MTERF4: variants seen among roughly 807,000 people sequenced by gnomAD.
The protein encoded by MTERF4 is mitochondrial transcription termination factor 4, also known as transcription termination factor 4, mitochondrial.
MTERF4 carries 17 observed loss-of-function variants against 22.5 expected under a neutral mutation model. The ratio of observed to expected loss-of-function variants is 0.75; its 90% CI spans 0.52 to 1.13. MTERF4 has a LOEUF of 1.13. Among genes scored for constraint, MTERF4 ranks in the 50% most tolerant of loss-of-function variants. MTERF4 has a pLI of 0.00. For missense variants in MTERF4, 420 were observed against 466.8 expected (o/e 0.90, Z 0.92); for synonymous variants, 165 against 175.3 (o/e 0.94, Z 0.47).
At chr2:241,056,931 C>G in the MTERF4 span, among the ~76,000 whole-genome samples, 1 of 152,080 alleles carries the variant, frequency 6.6e-6, no homozygotes, top group African/African-American at 2.4e-5. Flanking sequence ...GGGACAATAT[C>G]AAACAGGCAA....
At position 241,096,375 on chromosome 2, in the gene MTERF4, A is replaced by T; in HGVS notation, c.769T>A (p.Ser257Thr). The T allele has an allele frequency of 6.2e-7, 1 of 1,614,182 alleles. No individual in the cohort carries two copies. Among genetic ancestry groups the T allele is most frequent in the Non-Finnish European group, 8.5e-7 (1 of 1,180,048 alleles). ...DIVKSEYLQY[S>T]LTKIKQRHIY... is the part of the protein sequence containing the mutation. ...TGTCTCTGCTTAATCTTGGTTAGTGAATACTGCAAGTACTCACTCTTTACA... is the reference window on the plus strand; with the variant it reads ...TGTCTCTGCTTAATCTTGGTTAGTGTATACTGCAAGTACTCACTCTTTACA... The change falls in exon 4 of 4, where the codon TCA becomes ACA. Residue 257 changes from serine to threonine, a missense_variant. Ser to Thr is a moderately conservative substitution (Grantham distance 58). Transcript: ENST00000391980. The surrounding 1 kb of genome is among the most constrained non-coding windows in gnomAD (Gnocchi z 5.1).
chr2:241,048,493 G>A, the MTERF4 span: 8 of 1,551,554 alleles, frequency 5.2e-6, no homozygotes, highest in Non-Finnish European at 6.1e-6. Flanking sequence ...GGAGACCCAG[G>A]GAGGGCCTTC....
downstream of MTERF4, chr2:241,094,201 A>G: frequency 4.8e-6 from 2 of 412,976 alleles, no homozygotes; most frequent in Non-Finnish European, 1.0e-5. This position sits in a 1 kb window ranked among gnomAD's most constrained non-coding sequence, Gnocchi z 4.3. Flanking sequence ...GGTACAAGTA[A>G]GGGAATCTTT....
At chr2:241,087,512 T>G (rs375993128), downstream of MTERF4, 86 of 1,574,180 alleles carry the variant, frequency 5.5e-5, 1 homozygote, top group Non-Finnish European at 7.1e-5. Flanking sequence ...GTGTCCTGCA[T>G]GTAGCCCACA....
At chr2:241,058,848 G>C in the MTERF4 span, among the ~76,000 whole-genome samples, 1 of 152,116 alleles carries the variant, frequency 6.6e-6, no homozygotes, top group Non-Finnish European at 1.5e-5. Flanking sequence ...TACTCAGGAG[G>C]CTGAGGCAGG....
the MTERF4 span, chr2:241,062,989 C>A: frequency 1.2e-6 from 1 of 857,992 alleles, no homozygotes; most frequent in Non-Finnish European, 1.8e-6. Context: ...GGACAGGTCT[C>A]TGTCTGGATG....
Position 241,099,690 on chromosome 2 carries a change from A to T in MTERF4, c.226T>A (p.Cys76Ser). ...GGAGTCCCCTGCTTCTCAAGGAGGC[A>T]CTGAACAAGATTCCTCCTGCACTCT... The part of the protein sequence containing the change: ...EPECRRNLVQ[C>S]LLEKQGTPVV... The change falls in exon 2 of 4, where the codon TGC (cysteine) becomes AGC (serine). Residue 76 changes from cysteine to serine, a missense_variant. By Grantham distance (112) the Cys-to-Ser change is moderately radical (BLOSUM62 -1). Coordinates refer to ENST00000391980, the MANE Select transcript of MTERF4 (RefSeq NM_182501.4). The T allele has an allele frequency of 6.2e-7, 1 of 1,614,212 alleles. No homozygotes were observed. Among genetic ancestry groups the T allele is most frequent in the South Asian group, 1.1e-5 (1 of 91,084 alleles).
At chr2:241,052,532 C>CGG in the MTERF4 span, 1 of 1,246,298 alleles carries the variant, frequency 8.0e-7, no homozygotes, top group Admixed American at 1.8e-5. Flanking sequence ...GTGAGATGGC[C>CGG]AGGGCCCAAG....
intron 1 of MTERF4, 44 bp from the exon 2 acceptor site, chr2:241,099,938 C>T: frequency 6.3e-7 from 1 of 1,591,494 alleles, no homozygotes; most frequent in Non-Finnish European, 8.5e-7. Flanking sequence ...CTCACTATTC[C>T]AGTGTAATGG....
intron 4 of MTERF4, among the ~76,000 whole-genome samples, chr2:241,077,595 G>A (rs1447332434): frequency 6.6e-6 from 1 of 151,652 alleles, no homozygotes; most frequent in Non-Finnish European, 1.5e-5. Flanking sequence ...TTCAGACATG[G>A]GCAAATCATA....
chr2:241,053,306 G>A, the MTERF4 span: 4 of 1,589,620 alleles, frequency 2.5e-6, no homozygotes, highest in Non-Finnish European at 2.6e-6. Context: ...GGTGTCTGGA[G>A]TGAGCCTCCC....
downstream of MTERF4, chr2:241,087,937 G>A (rs1575142424): frequency 2.5e-5 from 10 of 406,230 alleles, no homozygotes; most frequent in East Asian, 3.7e-4. Flanking sequence ...AGAAACCACA[G>A]AGTCGAAGCC....
At chr2:241,055,755 T>A in the MTERF4 span, among the ~76,000 whole-genome samples, 7 of 152,238 alleles carry the variant, frequency 4.6e-5, no homozygotes, top group Non-Finnish European at 1.0e-4. Context: ...TACAAATGCA[T>A]GAGAAGCCAG....
rs545761179 is a variant in MTERF4, at chr2:241,081,537, T to C, written n.480-5855A>G. The C allele has an allele frequency of 1.4e-5, 9 of 658,542 alleles. No individual in the cohort carries two copies. In the South Asian group the frequency reaches 1.6e-4, roughly 12 times the overall value. The allele number at this position is 658,542 out of a possible 1,614,324, so 40.8% of individuals were successfully genotyped here. ...ACCACGCTCTAGGGCCCAGAGGCGTTTGGGAGGCCACCGCAGCACACCACA... is the reference window on the plus strand; with the variant it reads ...ACCACGCTCTAGGGCCCAGAGGCGTCTGGGAGGCCACCGCAGCACACCACA... On this transcript the variant is annotated intron_variant and non_coding_transcript_variant, in intron 4 of 4. Coordinates refer to the MTERF4 transcript ENST00000464344.
downstream of MTERF4, among the ~76,000 whole-genome samples, chr2:241,082,654 A>G (rs1360489837): frequency 6.6e-6 from 1 of 152,126 alleles, no homozygotes; most frequent in African/African-American, 2.4e-5. Flanking sequence ...CCCAGTCCCC[A>G]CTGGATGGCA....
chr2:241,048,707 G>A, the MTERF4 span: 2 of 1,613,034 alleles, frequency 1.2e-6, no homozygotes, highest in African/African-American at 2.7e-5. Flanking sequence ...AGATGCCTGG[G>A]CGCCAACACC....
the MTERF4 span, among the ~76,000 whole-genome samples, chr2:241,050,397 A>G: frequency 1.0e-3 from 153 of 152,164 alleles, 1 homozygote; most frequent in African/African-American, 3.4e-3. Context: ...TGCAGTTTGA[A>G]GCAACAGTCA....
At chr2:241,072,392 T>C (rs565638486) in exon 5 of MTERF4, 23 of 363,686 alleles carry the variant, frequency 6.3e-5, no homozygotes, top group African/African-American at 4.5e-4. Context: ...TCTGGGAATC[T>C]GCCTGTGATT....
downstream of MTERF4, chr2:241,071,918 C>A: frequency 6.7e-7 from 1 of 1,481,842 alleles, no homozygotes. Flanking sequence ...GGTGGCCCAC[C>A]CTCGTCCTCA....
Sources: allele counts gnomAD v4.1 joint callset (sites outside exome capture counted in the v4.1 genomes callset), GRCh38; gene constraint gnomAD v4.1.1; non-coding constraint Gnocchi (gnomAD v3.1); transcripts MANE v1.5; gene names NCBI Gene and HGNC (gene_info 2026-07-23, HGNC 2026-07-21).